NEMP2: variants seen among roughly 807,000 people sequenced by gnomAD.
NEMP2 encodes the protein UPF0571 transmembrane protein.
In NEMP2, 53 loss-of-function variants were observed where a neutral mutation model predicts 54.2. That is an observed-to-expected ratio of 0.98 (90% confidence interval 0.78 to 1.23). The LOEUF (loss-of-function observed/expected upper bound fraction) is 1.23, where lower values mean the gene tolerates loss of function less well. Among genes scored for constraint, NEMP2 ranks in the 50% most tolerant of loss-of-function variants. The probability of loss-of-function intolerance (pLI) is 0.00; values close to 1 mark genes in which losing one functional copy is unlikely to be tolerated. For missense variants in NEMP2, 455 were observed against 511.3 expected (o/e 0.89, Z 1.06); for synonymous variants, 197 against 190.3 (o/e 1.04, Z -0.29).
chr2:190,583,564 G>T, the NEMP2 span, among the ~76,000 whole-genome samples: 5 of 152,184 alleles, frequency 3.3e-5, no homozygotes. Context: ...GGAGATTTGT[G>T]TATATTCTTA....
Position 190,528,401 on chromosome 2 carries a change from C to CT in NEMP2, c.98-3024dup, listed in dbSNP as rs936209028. On this transcript the variant is annotated intron_variant, in intron 1 of 8. Transcript: ENST00000409150. The surrounding 1 kb of genome is among the most constrained non-coding windows in gnomAD (Gnocchi z 4.3). ...TTGCACAGCCTCCTCGGGGGGGTCT[C>CT]TAAGCATGGCTAGAGTTAATAACTT... is the stretch of plus-strand genomic sequence containing the variant. Among the ~76,000 whole-genome samples, 25 of 152,240 alleles carry CT rather than the reference C, an allele frequency of 1.6e-4. No individual in the cohort carries two copies. The highest frequency in any genetic ancestry group is 1.6e-3 in the Admixed American group (24 of 15,294).
chr2:190,565,376 T>C, the NEMP2 span, among the ~76,000 whole-genome samples: 1 of 152,216 alleles, frequency 6.6e-6, no homozygotes, highest in East Asian at 1.9e-4. Context: ...AAATTGTGGG[T>C]TATGAACTCA....
chr2:190,500,291 C>A, downstream of NEMP2: 2 of 1,502,078 alleles, frequency 1.3e-6, no homozygotes, highest in Non-Finnish European at 1.8e-6. This position sits in a 1 kb window ranked among gnomAD's most constrained non-coding sequence, Gnocchi z 5.3. Flanking sequence ...GGCCCCCCAG[C>A]CAGGATATGC....
chr2:190,492,517 A>G, the NEMP2 span, among the ~76,000 whole-genome samples: 2 of 152,250 alleles, frequency 1.3e-5, no homozygotes, highest in Non-Finnish European at 2.9e-5. The surrounding 1 kb of genome is among the most constrained non-coding windows in gnomAD (Gnocchi z 5.2). Flanking sequence ...ATTTCCATAA[A>G]TAAATGGAAA....
At chr2:190,446,349 C>T in the NEMP2 span, among the ~76,000 whole-genome samples, 1 of 152,190 alleles carries the variant, frequency 6.6e-6, no homozygotes, top group East Asian at 1.9e-4. Flanking sequence ...TGGGAAGTTC[C>T]CCCAGATCTC....
the NEMP2 span, chr2:190,553,153 T>A: frequency 1.3e-5 from 2 of 151,838 alleles, no homozygotes; most frequent in East Asian, 3.9e-4. Context: ...GAGGAAGAGG[T>A]CTATTTACAC....
At chr2:190,422,488 G>T in the NEMP2 span, among the ~76,000 whole-genome samples, 2 of 152,188 alleles carry the variant, frequency 1.3e-5, no homozygotes, top group Non-Finnish European at 2.9e-5. Flanking sequence ...GAAATTGCAT[G>T]TGTAAAATGT....
chr2:190,506,473 T>C lies in NEMP2; in HGVS notation c.*2716A>G, dbSNP rs1173355057. On this transcript the variant is annotated 3_prime_UTR_variant, in exon 9 of 9. Coordinates refer to ENST00000409150, the MANE Select transcript of NEMP2 (RefSeq NM_001142645.2). The surrounding 1 kb of genome is among the most constrained non-coding windows in gnomAD (Gnocchi z 6.3). Reference sequence around the variant, plus strand: ...CTTAATTCCTCCACATATTTAGATATTTTTATGTAATCCATCATCTATTCC... The same window carrying C: ...CTTAATTCCTCCACATATTTAGATACTTTTATGTAATCCATCATCTATTCC... 1 of 152,244 alleles carries C rather than the reference T, an allele frequency of 6.6e-6. No individual in the cohort carries two copies. The highest frequency in any genetic ancestry group is 1.5e-5 in the Non-Finnish European group (1 of 68,044). 9.4% of individuals were successfully genotyped at this position (152,244 alleles called of 1,614,324 possible). A position where few individuals can be genotyped will look rare whatever the true frequency, so the allele number is the denominator to read the frequency against.
the NEMP2 span, among the ~76,000 whole-genome samples, chr2:190,586,567 C>T: frequency 6.6e-6 from 1 of 152,052 alleles, no homozygotes; most frequent in South Asian, 2.1e-4. This position sits in a 1 kb window ranked among gnomAD's most constrained non-coding sequence, Gnocchi z 4.5. Flanking sequence ...ATTTCTAAAA[C>T]AAAACTTTCA....
the NEMP2 span, among the ~76,000 whole-genome samples, chr2:190,445,353 T>C: frequency 6.6e-6 from 1 of 152,044 alleles, no homozygotes; most frequent in Non-Finnish European, 1.5e-5. Context: ...CATCAGAGTA[T>C]TTAAGAAAAT....
At chr2:190,643,534 T>C in the NEMP2 span, among the ~76,000 whole-genome samples, 1 of 152,220 alleles carries the variant, frequency 6.6e-6, no homozygotes, top group South Asian at 2.1e-4. Context: ...ATATTTCAGT[T>C]TCCTCAGTTC....
At chr2:190,570,580 C>A in the NEMP2 span, among the ~76,000 whole-genome samples, 3 of 152,258 alleles carry the variant, frequency 2.0e-5, no homozygotes, top group Non-Finnish European at 2.9e-5. This position sits in a 1 kb window ranked among gnomAD's most constrained non-coding sequence, Gnocchi z 5.4. Flanking sequence ...ACCCCAAAGA[C>A]AGGATGAAGC....
the NEMP2 span, among the ~76,000 whole-genome samples, chr2:190,432,792 T>C: frequency 6.6e-6 from 1 of 151,984 alleles, no homozygotes; most frequent in African/African-American, 2.4e-5. Flanking sequence ...TCAGCTCTAT[T>C]TGAGCACCTC....
chr2:190,617,564 C>T, the NEMP2 span, among the ~76,000 whole-genome samples: 1 of 152,116 alleles, frequency 6.6e-6, no homozygotes, highest in African/African-American at 2.4e-5. This position sits in a 1 kb window ranked among gnomAD's most constrained non-coding sequence, Gnocchi z 5.0. Context: ...AAAGATTTTG[C>T]CTGCAGAGAG....
the NEMP2 span, among the ~76,000 whole-genome samples, chr2:190,495,688 A>G: frequency 6.6e-6 from 1 of 152,072 alleles, no homozygotes; most frequent in Non-Finnish European, 1.5e-5. The surrounding 1 kb of genome is among the most constrained non-coding windows in gnomAD (Gnocchi z 4.7). Flanking sequence ...CCCATAAATA[A>G]AGCCAAATAC....
At chr2:190,600,449 C>T in the NEMP2 span, among the ~76,000 whole-genome samples, 2 of 152,224 alleles carry the variant, frequency 1.3e-5, no homozygotes, top group East Asian at 3.9e-4. The surrounding 1 kb of genome is among the most constrained non-coding windows in gnomAD (Gnocchi z 4.9). Context: ...AATTTAACCC[C>T]CAGTGTGGCC....
At chr2:190,500,220 G>A (rs138926881), downstream of NEMP2, 1,381 of 1,613,904 alleles carry the variant, frequency 8.6e-4, no homozygotes, top group Non-Finnish European at 1.1e-3. This position sits in a 1 kb window ranked among gnomAD's most constrained non-coding sequence, Gnocchi z 5.3. Flanking sequence ...GGACACTGAG[G>A]GCATCCTGCT....
Position 190,521,685 on chromosome 2 carries a change from C to T in NEMP2, c.214-2502G>A, listed in dbSNP as rs1574305663. On this transcript the variant is annotated intron_variant, in intron 2 of 8. Coordinates refer to ENST00000409150, the MANE Select transcript of NEMP2 (RefSeq NM_001142645.2). This position sits in a 1 kb window ranked among gnomAD's most constrained non-coding sequence, Gnocchi z 6.2. ...TCAGGATTTCATTCCTAAAAGGCCACCCTGACAAGGTCACTGGTGCTTCCA... is the reference window on the plus strand; with the variant it reads ...TCAGGATTTCATTCCTAAAAGGCCATCCTGACAAGGTCACTGGTGCTTCCA... 6.6e-6 allele frequency among the ~76,000 whole-genome samples: 1 copy of T among 152,228 alleles called. No individual in the cohort carries two copies. Among genetic ancestry groups the T allele is most frequent in the South Asian group, 2.1e-4 (1 of 4,826 alleles).
At chr2:190,648,569 G>A in the NEMP2 span, 2 of 144,144 alleles carry the variant, frequency 1.4e-5, no homozygotes, top group Admixed American at 1.4e-4. Context: ...TGTTGGATTT[G>A]GCGGGTGTGC....
Sources: gnomAD v4.1 joint callset for allele counts (sites outside exome capture counted in the v4.1 genomes callset) on GRCh38, gnomAD v4.1.1 for gene constraint, Gnocchi (gnomAD v3.1) non-coding constraint, MANE v1.5 for transcripts, NCBI Gene and HGNC (gene_info 2026-07-23, HGNC 2026-07-21) for gene names.